Variants in ERBB4 observed in about 807,000 individuals in gnomAD.
The protein encoded by ERBB4 is receptor tyrosine-protein kinase erbB-4.
A neutral mutation model predicts 158.0 loss-of-function variants in ERBB4; 42 were observed. That is an observed-to-expected ratio of 0.27 (90% CI 0.21 to 0.34). ERBB4 has a LOEUF of 0.34. ERBB4 is among the 10% of genes least tolerant of loss of function. The pLI is 1.00. For synonymous variants in ERBB4, 583 were observed against 558.7 expected, an observed-to-expected ratio of 1.04 and a Z score of -0.61; for missense variants, 1,333 against 1,624.1, an observed-to-expected ratio of 0.82 and a Z score of 3.08.
intron 3 of ERBB4, among the ~76,000 whole-genome samples, chr2:211,930,738 A>G (rs2080151505): frequency 6.6e-6 from 1 of 152,162 alleles, no homozygotes; most frequent in African/African-American, 2.4e-5. Context: ...TACCTAATAA[A>G]TTAGATCTTA....
intron 1 of ERBB4, among the ~76,000 whole-genome samples, chr2:212,509,513 A>C (rs185350897): frequency 6.6e-6 from 1 of 152,006 alleles, no homozygotes; most frequent in Non-Finnish European, 1.5e-5. Flanking sequence ...AAATTATTAC[A>C]TGTTCTGTGA....
intron 1 of ERBB4, among the ~76,000 whole-genome samples, chr2:212,537,489 G>A (rs1030711977): frequency 3.3e-4 from 50 of 152,156 alleles, no homozygotes; most frequent in African/African-American, 1.2e-3. Flanking sequence ...GCTGCCTCTC[G>A]GGGTCAATTA....
intron 20 of ERBB4, among the ~76,000 whole-genome samples, chr2:211,558,577 A>G (rs7576673): frequency 0.17 from 25,926 of 152,164 alleles, 2,379 homozygotes; most frequent in Middle Eastern, 0.24. Context: ...GGTAGATACC[A>G]TTTATTACAT....
chr2:211,738,086 T>C (rs1445069549), intron 5 of ERBB4, among the ~76,000 whole-genome samples: 2 of 152,092 alleles, frequency 1.3e-5, no homozygotes, highest in Non-Finnish European at 2.9e-5. Flanking sequence ...AAAACTTTGA[T>C]ACAAATGACT....
At position 211,379,456 on chromosome 2, in the gene ERBB4, A is replaced by G. The variant is rs1256562994; in HGVS notation, c.*4159T>C. 2.6e-5 allele frequency: 6 copies of G among 230,200 alleles called. No homozygotes were observed. In the Admixed American group the frequency reaches 3.4e-4, roughly 13 times the overall value. 14.3% of individuals were successfully genotyped at this position (230,200 alleles called of 1,614,324 possible). On this transcript the variant is annotated 3_prime_UTR_variant, in exon 28 of 28. Transcript: ENST00000342788. The stretch of plus-strand genomic sequence containing the variant: ...TAATGCTTTAAAGCAAGTTTTCCCA[A>G]GTGGAACCATATATGCCTACTTTCA...
chr2:211,579,280 T>C (rs998683251), intron 19 of ERBB4, among the ~76,000 whole-genome samples: 3 of 152,080 alleles, frequency 2.0e-5, no homozygotes, highest in Non-Finnish European at 4.4e-5. Context: ...ATAGCGATTC[T>C]TAAAAAGTCA....
intron 2 of ERBB4, among the ~76,000 whole-genome samples, chr2:211,978,787 C>T (rs970118581): frequency 3.3e-5 from 5 of 152,138 alleles, no homozygotes; most frequent in African/African-American, 1.2e-4. Context: ...AATTGGTGAA[C>T]ATCAAGGTGT....
At position 211,562,034 on chromosome 2, in the gene ERBB4, C is replaced by T. The variant is rs1209728940; in HGVS notation, c.2356G>A (p.Val786Met). The T allele has an allele frequency of 6.2e-7, 1 of 1,614,090 alleles. No individual in the cohort carries two copies. The highest frequency in any genetic ancestry group is 2.2e-5 in the East Asian group (1 of 44,866). Residue 786 changes from valine to methionine, a missense_variant, in exon 20 of 28, where the codon GTG becomes ATG. Around this residue, in one of 5 missense-constraint regions of ERBB4, gnomAD observed 314 missense variants for 437.6 expected, o/e 0.72. Coordinates refer to ENST00000342788, the MANE Select transcript of ERBB4 (RefSeq NM_005235.3). ...DHPHLVRLLG[V>M]CLSPTIQLVT... ...AGCTGGATGGTTGGGCTCAGACACA[C>T]ACCCAGCAACCGGACTAGGTGTGGA...
At chr2:212,268,580 T>C (rs1298765802) in intron 1 of ERBB4, among the ~76,000 whole-genome samples, 1 of 151,900 alleles carries the variant, frequency 6.6e-6, no homozygotes, top group African/African-American at 2.4e-5. Context: ...ATTTCAAGGG[T>C]CAAGAAACTT....
At chr2:212,144,015 T>C (rs1372927318) in intron 1 of ERBB4, among the ~76,000 whole-genome samples, 2 of 143,348 alleles carry the variant, frequency 1.4e-5, no homozygotes, top group Non-Finnish European at 3.0e-5. Flanking sequence ...TGAGACTTCA[T>C]CTCAAAAAAA....
intron 25 of ERBB4, among the ~76,000 whole-genome samples, chr2:211,405,074 A>AT (rs1166543005): frequency 6.6e-6 from 1 of 152,170 alleles, no homozygotes; most frequent in Non-Finnish European, 1.5e-5. Flanking sequence ...CTACATCCTC[A>AT]TATATACCTG....
chr2:212,457,190 G>T (rs1688336835), intron 1 of ERBB4, among the ~76,000 whole-genome samples: 1 of 151,974 alleles, frequency 6.6e-6, no homozygotes, highest in South Asian at 2.1e-4. Context: ...CAGGCTAATA[G>T]AGACAGGTGT....
chr2:211,964,212 G>A (rs1483509995), intron 2 of ERBB4, among the ~76,000 whole-genome samples: 1 of 152,138 alleles, frequency 6.6e-6, no homozygotes, highest in Non-Finnish European at 1.5e-5. Context: ...TAACACAAGT[G>A]ACATCAATAT....
At position 212,408,564 on chromosome 2, in the gene ERBB4, G is replaced by T. The variant is rs188850646; in HGVS notation, c.82+129885C>A. ...AGGCTGAGTCAGGAGTATCCCTTGA[G>T]CCCAGGAGTTCAAAGCTGTAGTGAA... On this transcript the variant is annotated intron_variant, in intron 1 of 27. Coordinates refer to ENST00000342788, the MANE Select transcript of ERBB4 (RefSeq NM_005235.3). Among the ~76,000 whole-genome samples, 65 of 152,152 alleles carry T rather than the reference G, an allele frequency of 4.3e-4. 2 individuals are homozygous for T. Among genetic ancestry groups the T allele is most frequent in the Admixed American group, 8.5e-4 (13 of 15,256 alleles).
At chr2:211,735,149 G>T (rs915721915) in intron 5 of ERBB4, among the ~76,000 whole-genome samples, 3 of 151,838 alleles carry the variant, frequency 2.0e-5, no homozygotes. Flanking sequence ...AAAAATGTAG[G>T]TTGAGGGAAG....
chr2:212,353,364 C>T (rs1995568), intron 1 of ERBB4, among the ~76,000 whole-genome samples: 100,612 of 149,150 alleles, frequency 0.67, 34,188 homozygotes, highest in East Asian at 0.79. Context: ...TACAAATGTA[C>T]GTATTATACA....
intron 2 of ERBB4, among the ~76,000 whole-genome samples, chr2:211,948,520 G>A (rs2080774001): frequency 6.9e-6 from 1 of 144,086 alleles, no homozygotes; most frequent in African/African-American, 2.6e-5. Flanking sequence ...ACTGCCCACT[G>A]TTTAAATTTA....
At chr2:211,869,093 C>G (rs1047633540) in intron 3 of ERBB4, among the ~76,000 whole-genome samples, 2 of 139,320 alleles carry the variant, frequency 1.4e-5, no homozygotes, top group South Asian at 2.2e-4. Flanking sequence ...AATCTTGTCC[C>G]AACAATTTTT....
chr2:212,064,212 A>G (rs1263849194), intron 2 of ERBB4, among the ~76,000 whole-genome samples: 2 of 152,184 alleles, frequency 1.3e-5, no homozygotes, highest in Non-Finnish European at 2.9e-5. Flanking sequence ...CCTGAAGCAT[A>G]CCTGAGACAG....
Sources: gnomAD v4.1 joint callset for allele counts (sites outside exome capture counted in the v4.1 genomes callset) on GRCh38, gnomAD v4.1.1 for gene constraint, gnomAD v4.1.1 regional missense constraint, MANE v1.5 for transcripts, NCBI Gene and HGNC (gene_info 2026-07-23, HGNC 2026-07-21) for gene names.